HOPX: variants seen among roughly 807,000 people sequenced by gnomAD.
The protein encoded by HOPX is homeodomain-only protein.
Under a neutral mutation model 11.8 loss-of-function variants are expected in HOPX, and 5 were observed. The ratio of observed to expected loss-of-function variants is 0.43; its 90% CI spans 0.22 to 0.89. The LOEUF (loss-of-function observed/expected upper bound fraction) is 0.89, where lower values mean the gene tolerates loss of function less well. HOPX is among the 40% of genes least tolerant of loss of function. The pLI, the probability that HOPX is intolerant of heterozygous loss-of-function variation, is 0.28. For missense variants in HOPX, 119 were observed against 120.0 expected, an observed-to-expected ratio of 0.99 and a Z score of 0.04; for synonymous variants, 49 against 49.7, an observed-to-expected ratio of 0.99 and a Z score of 0.06.
At chr4:56,672,342 C>A (rs1480119603) in intron 1 of HOPX, among the ~76,000 whole-genome samples, 2 of 151,422 alleles carry the variant, frequency 1.3e-5, no homozygotes, top group Non-Finnish European at 2.9e-5. Context: ...AGTTCCAGAC[C>A]AGCCTAGGCA....
At chr4:56,662,998 T>G (rs1446308267) in intron 1 of HOPX, 1 of 152,198 alleles carries the variant, frequency 6.6e-6, no homozygotes, top group African/African-American at 2.4e-5. Flanking sequence ...TCTTTCAGAC[T>G]TCCATGCATC....
chr4:56,679,904 C>A (rs1290832803), intron 1 of HOPX: 1 of 152,204 alleles, frequency 6.6e-6, no homozygotes, highest in Non-Finnish European at 1.5e-5. Context: ...ATTTCAAGCT[C>A]TTTGAGAACA....
intron 3 of HOPX, chr4:56,651,052 A>C: frequency 2.7e-6 from 1 of 374,720 alleles, no homozygotes; most frequent in East Asian, 4.7e-5. Context: ...GCAGCATTGT[A>C]AAGACTGACT....
intron 1 of HOPX, among the ~76,000 whole-genome samples, chr4:56,658,399 T>C (rs1482177570): frequency 6.6e-6 from 1 of 152,240 alleles, no homozygotes; most frequent in Non-Finnish European, 1.5e-5. Context: ...TTGGGTTAGT[T>C]GGCTGAGAAT....
At chr4:56,668,911 T>A (rs1217416697) in intron 1 of HOPX, among the ~76,000 whole-genome samples, 1 of 152,244 alleles carries the variant, frequency 6.6e-6, no homozygotes, top group Non-Finnish European at 1.5e-5. Context: ...TAAAACCTAG[T>A]TCTCTTCTCT....
intron 1 of HOPX, among the ~76,000 whole-genome samples, chr4:56,661,747 C>G (rs1033242476): frequency 2.0e-5 from 3 of 152,162 alleles, no homozygotes; most frequent in Non-Finnish European, 4.4e-5. Context: ...CACATGTTTA[C>G]TGTTTACTGT....
At chr4:56,675,196 C>T (rs1718946674) in intron 1 of HOPX, among the ~76,000 whole-genome samples, 1 of 151,580 alleles carries the variant, frequency 6.6e-6, no homozygotes, top group South Asian at 2.1e-4. Context: ...GGATACAATG[C>T]TTCCCACAGG....
intron 3 of HOPX, chr4:56,650,893 G>A (rs1717110649): frequency 6.7e-6 from 9 of 1,350,808 alleles, no homozygotes; most frequent in Non-Finnish European, 8.9e-6. Flanking sequence ...ATTTTCTTCT[G>A]TAACCTGTGT....
At chr4:56,672,083 C>T (rs547043748) in intron 1 of HOPX, among the ~76,000 whole-genome samples, 1 of 152,156 alleles carries the variant, frequency 6.6e-6, no homozygotes, top group African/African-American at 2.4e-5. Context: ...AACAAAATGA[C>T]ATCAGGTTTT....
chr4:56,661,306 G>C (rs1009042475), intron 1 of HOPX, among the ~76,000 whole-genome samples: 3 of 152,138 alleles, frequency 2.0e-5, no homozygotes, highest in African/African-American at 7.2e-5. Flanking sequence ...ATTCAATGCT[G>C]TTTTTATTTT....
At chr4:56,680,292 T>A (rs1292518629) in intron 1 of HOPX, 2 of 152,170 alleles carry the variant, frequency 1.3e-5, no homozygotes, top group East Asian at 3.9e-4. Context: ...AGATTCTTGA[T>A]ACAAAGGGAT....
rs1255133093 is a variant in HOPX, at chr4:56,648,409, G to A, written c.*311C>T. On this transcript the variant is annotated 3_prime_UTR_variant, in exon 4 of 4. Coordinates refer to ENST00000420433, the MANE Select transcript of HOPX (RefSeq NM_032495.6). ...GATTATGAAAGCAAATTGCTACTGG[G>A]AGGTGATGGTCAAAAGCAAACTTAG... 2 of 267,744 alleles carry A rather than the reference G, an allele frequency of 7.5e-6. No individual in the cohort carries two copies. Among genetic ancestry groups the A allele is most frequent in the Non-Finnish European group, 1.4e-5 (2 of 143,254 alleles). The allele number at this position is 267,744 out of a possible 1,614,324, so 16.6% of individuals were successfully genotyped here.
intron 1 of HOPX, among the ~76,000 whole-genome samples, chr4:56,673,121 T>G (rs1290880627): frequency 1.3e-5 from 2 of 152,198 alleles, no homozygotes; most frequent in African/African-American, 4.8e-5. Flanking sequence ...CATTACAGCA[T>G]CATTTCAGAG....
At chr4:56,672,502 G>A (rs1416634086) in intron 1 of HOPX, among the ~76,000 whole-genome samples, 3 of 150,950 alleles carry the variant, frequency 2.0e-5, no homozygotes, top group Non-Finnish European at 4.4e-5. Flanking sequence ...TGATGCCACT[G>A]TACTCCAGCC....
rs146008332 is a variant in HOPX, at chr4:56,667,204, T to A, written c.-83-9305A>T. 8.4e-3 allele frequency among the ~76,000 whole-genome samples: 1,285 copies of A among 152,232 alleles called. 8 individuals carry two copies. The highest frequency in any genetic ancestry group is 0.034 in the Middle Eastern group (10 of 292). ...TCATCTTCCCTTCAAGAAGTATGAC[T>A]TTCCTTTATCTTGACATAAAAGCAT... On this transcript the variant is annotated intron_variant, in intron 1 of 3. Coordinates refer to ENST00000420433, the MANE Select transcript of HOPX (RefSeq NM_032495.6).
At chr4:56,680,374 T>C (rs1231311762) in intron 1 of HOPX, 1 of 152,182 alleles carries the variant, frequency 6.6e-6, no homozygotes, top group Admixed American at 6.6e-5. Context: ...TATAAATCCT[T>C]TACTATCTGC....
chr4:56,675,246 G>A (rs1463278895), intron 1 of HOPX, among the ~76,000 whole-genome samples: 1 of 151,584 alleles, frequency 6.6e-6, no homozygotes, highest in Non-Finnish European at 1.5e-5. Context: ...TTGGCACAGA[G>A]GTCAGAATGA....
intron 1 of HOPX, among the ~76,000 whole-genome samples, chr4:56,666,179 C>G (rs4074736): frequency 0.2 from 30,309 of 152,118 alleles, 3,732 homozygotes; most frequent in African/African-American, 0.36. Flanking sequence ...GGCTTTCCTT[C>G]CCCACACGCT....
At chr4:56,666,028 C>T (rs1718417158) in intron 1 of HOPX, among the ~76,000 whole-genome samples, 1 of 152,138 alleles carries the variant, frequency 6.6e-6, no homozygotes, top group Non-Finnish European at 1.5e-5. Flanking sequence ...TCTGCTCTGG[C>T]TCCCTGTGGG....
Sources: allele counts gnomAD v4.1 joint callset (sites outside exome capture counted in the v4.1 genomes callset), GRCh38; gene constraint gnomAD v4.1.1; transcripts MANE v1.5; gene names NCBI Gene and HGNC (gene_info 2026-07-23, HGNC 2026-07-21).